CATSPER4: variants seen among roughly 807,000 people sequenced by gnomAD.
CATSPER4 encodes the protein cation channel sperm-associated protein 4.
A neutral mutation model predicts 54.4 loss-of-function variants in CATSPER4; 46 were observed. That is an observed-to-expected ratio of 0.84 (90% CI 0.67 to 1.08). The LOEUF (loss-of-function observed/expected upper bound fraction) is 1.08, where lower values mean the gene tolerates loss of function less well. Ranked by LOEUF, CATSPER4 falls within the 50% of genes least tolerant of loss-of-function variation. CATSPER4 has a pLI of 0.00. For missense variants in CATSPER4, 574 were observed against 612.8 expected, an observed-to-expected ratio of 0.94 and a Z score of 0.67; for synonymous variants, 230 against 231.9, an observed-to-expected ratio of 0.99 and a Z score of 0.08.
chr1:26,201,069 A>T, intron 8 of CATSPER4, 28 bp downstream of exon 8: 1 of 1,555,052 alleles, frequency 6.4e-7, no homozygotes, highest in Non-Finnish European at 8.9e-7. Flanking sequence ...GGCTGCCCCC[A>T]AGTCATGTGA....
intron 2 of CATSPER4, among the ~76,000 whole-genome samples, chr1:26,191,725 C>T (rs1418473332): frequency 6.6e-6 from 1 of 152,120 alleles, no homozygotes; most frequent in Non-Finnish European, 1.5e-5. Flanking sequence ...CCAATTCTAA[C>T]CAGCAGTCAC....
intron 1 of CATSPER4, 40 bp downstream of exon 1, chr1:26,190,880 C>CTGCAGCA: frequency 6.4e-7 from 1 of 1,553,292 alleles, no homozygotes; most frequent in Non-Finnish European, 8.7e-7. Context: ...CCTTCTGCAG[C>CTGCAGCA]TGTGCTCATG....
chr1:26,191,362 C>T lies in CATSPER4; in HGVS notation c.289C>T (p.Leu97=), dbSNP rs1350711402. Residue 97 remains leucine, a synonymous_variant, in exon 2 of 10, where the codon CTG becomes TTG. Coordinates refer to ENST00000456354, the MANE Select transcript of CATSPER4 (RefSeq NM_198137.2). The part of the protein sequence containing the change: ...QLLRHPAFQL[L]LALLLVINAI... ...GCTCCGACACCCCGCCTTCCAACTG[C>T]TGCTGGCCCTGCTGCTGGTGATCAA... 6.2e-7 allele frequency: 1 copy of T among 1,614,222 alleles called. No homozygotes were observed. Among genetic ancestry groups the T allele is most frequent in the Admixed American group, 1.7e-5 (1 of 60,034 alleles).
In CATSPER4 at chr1:26,191,435, G is replaced by T. The variant is rs1378044849; in HGVS notation, c.357+5G>T. ...ACCAACTCCTACCTGGACCAGGTGG[G>T]ATGCCAGCATGACCTCTGCCCCACT... On this transcript the variant is annotated splice_donor_5th_base_variant and intron_variant, in intron 2 of 9. Transcript: ENST00000456354. 7.4e-6 allele frequency: 12 copies of T among 1,613,978 alleles called. No homozygotes were observed. Among genetic ancestry groups the T allele is most frequent in the Non-Finnish European group, 1.0e-5 (12 of 1,180,028 alleles).
chr1:26,198,976 G>A (rs2088975181), intron 6 of CATSPER4, among the ~76,000 whole-genome samples: 1 of 152,186 alleles, frequency 6.6e-6, no homozygotes, highest in Non-Finnish European at 1.5e-5. Context: ...GGCTTCTACA[G>A]TCATTCTCCA....
intron 6 of CATSPER4, 103 bp downstream of exon 6, chr1:26,198,522 G>A: frequency 6.7e-7 from 1 of 1,482,932 alleles, no homozygotes; most frequent in Non-Finnish European, 9.3e-7. Context: ...GATGAGGATG[G>A]CCCAGTAGAA....
intron 3 of CATSPER4, among the ~76,000 whole-genome samples, chr1:26,196,693 G>C (rs1569905167): frequency 6.6e-6 from 1 of 151,960 alleles, no homozygotes; most frequent in Non-Finnish European, 1.5e-5. Context: ...TTACAGGCTT[G>C]CACCACTGCA....
chr1:26,195,698 C>T (rs1202862306), intron 3 of CATSPER4, among the ~76,000 whole-genome samples: 9 of 152,116 alleles, frequency 5.9e-5, no homozygotes, highest in Admixed American at 1.3e-4. Context: ...AGACGGGGGT[C>T]TCACCGTGTT....
At chr1:26,194,011 G>C in intron 3 of CATSPER4, 123 bp downstream of exon 3, 1 of 764,590 alleles carries the variant, frequency 1.3e-6, no homozygotes, top group Non-Finnish European at 2.4e-6. Context: ...GACAGAGTGT[G>C]TTAGTTCAGA....
At chr1:26,194,508 T>C (rs889254794) in intron 3 of CATSPER4, among the ~76,000 whole-genome samples, 5 of 152,244 alleles carry the variant, frequency 3.3e-5, no homozygotes, top group Non-Finnish European at 5.9e-5. Flanking sequence ...GTCTCCATGA[T>C]GCTATGCACT....
At chr1:26,195,250 T>C (rs933471197) in intron 3 of CATSPER4, among the ~76,000 whole-genome samples, 2 of 152,202 alleles carry the variant, frequency 1.3e-5, no homozygotes, top group African/African-American at 2.4e-5. Flanking sequence ...TTTTTTATTG[T>C]CTTTGTCCAT....
rs2088888956 is a variant in CATSPER4 at position 26,192,968 on chromosome 1, T to C, written c.358-819T>C. The stretch of plus-strand genomic sequence containing the variant: ...AAAATACAAAATTAGCCAGGCATGG[T>C]GCGCACGCCTATAATCCCAGCTACT... On this transcript the variant is annotated intron_variant, in intron 2 of 9. Transcript: ENST00000456354. Among the ~76,000 whole-genome samples the C allele has an allele frequency of 2.6e-5, 4 of 151,192 alleles. No individual in the cohort carries two copies. In the South Asian group the frequency reaches 8.4e-4, roughly 32 times the overall value.
At position 26,200,812 on chromosome 1, in the gene CATSPER4, C is replaced by T. The variant is rs558929348; in HGVS notation, c.988-18C>T. The T allele has an allele frequency of 5.6e-6, 9 of 1,608,968 alleles. 1 individual carries two copies. In the South Asian group the frequency reaches 7.7e-5, roughly 14 times the overall value. On this transcript the variant is annotated intron_variant, in intron 7 of 9. Transcript: ENST00000456354. ...CTGCCTGAGCTGTCCCGACCCCTCT[C>T]TATCCCCCGCTTCCCAGACAGGCGC...
chr1:26,197,789 C>T lies in CATSPER4; in HGVS notation c.557+6C>T, dbSNP rs76436256. 28 of 1,610,834 alleles carry T rather than the reference C, an allele frequency of 1.7e-5. No individual in the cohort carries two copies. The highest frequency in any genetic ancestry group is 8.8e-5 in the South Asian group (8 of 91,014). ...TCCATCAACTACACTCTCAGGTGAG[C>T]GGGGAGCTCTGGAGAAATGAGGGGG... is the stretch of plus-strand genomic sequence containing the variant. On this transcript the variant is annotated splice_donor_region_variant and intron_variant, in intron 4 of 9. Transcript: ENST00000456354.
Position 26,202,569 on chromosome 1 carries a change from T to TAC in CATSPER4, c.*27_*28insAC. ...AGGCCAGGATGGGAGCCAAGGGGCC[T>TAC]GCACACACACACCCAGCCGCTGCGT... is the stretch of plus-strand genomic sequence containing the variant. On this transcript the variant is annotated 3_prime_UTR_variant, in exon 10 of 10. Transcript: ENST00000456354. 1 of 1,598,952 alleles carries TAC rather than the reference T, an allele frequency of 6.3e-7. No individual in the cohort carries two copies. Among genetic ancestry groups the TAC allele is most frequent in the Non-Finnish European group, 8.5e-7 (1 of 1,169,726 alleles).
At chr1:26,191,094 C>G (rs2088861960) in intron 1 of CATSPER4, among the ~76,000 whole-genome samples, 193 bp from the exon 2 acceptor site, 1 of 152,110 alleles carries the variant, frequency 6.6e-6, no homozygotes. Flanking sequence ...ACAAAATCCC[C>G]CGATAGTAAC....
chr1:26,194,324 T>C (rs545187235), intron 3 of CATSPER4, among the ~76,000 whole-genome samples: 79 of 152,326 alleles, frequency 5.2e-4, no homozygotes, highest in Non-Finnish European at 9.4e-4. Flanking sequence ...ATAAATGAAG[T>C]GGGCATGGCT....
Position 26,198,310 on chromosome 1 carries a change from C to G in CATSPER4, c.703C>G (p.Leu235Val). 1 of 1,614,224 alleles carries G rather than the reference C, an allele frequency of 6.2e-7. No homozygotes were observed. The highest frequency in any genetic ancestry group is 8.5e-7 in the Non-Finnish European group (1 of 1,180,034). The change falls in exon 6 of 10, where the codon CTC becomes GTC. Residue 235 changes from leucine (L) to valine (V), a missense_variant. Transcript: ENST00000456354. The stretch of plus-strand genomic sequence containing the variant: ...GGTTTTTTCCGTGTTTGGAGTAACA[C>G]TCTTTGGTGCATTCGTGCCCAAGCA... ...MLVFSVFGVT[L>V]FGAFVPKHFQ...
chr1:26,192,132 T>A (rs1179027387), intron 2 of CATSPER4, among the ~76,000 whole-genome samples: 1 of 150,036 alleles, frequency 6.7e-6, no homozygotes, highest in African/African-American at 2.4e-5. Context: ...TTAATTTCTT[T>A]TTTTTTTTTT....
Sources: allele counts gnomAD v4.1 joint callset (sites outside exome capture counted in the v4.1 genomes callset), GRCh38; gene constraint gnomAD v4.1.1; transcripts MANE v1.5; gene names NCBI Gene and HGNC (gene_info 2026-07-23, HGNC 2026-07-21).